CTNNA2: variants seen among roughly 807,000 people sequenced by gnomAD.
The protein encoded by CTNNA2 is catenin alpha 2.
Under a neutral mutation model 101.0 loss-of-function variants are expected in CTNNA2, and 42 were observed. The ratio of observed to expected loss-of-function variants is 0.42; its 90% CI spans 0.32 to 0.54. The LOEUF (loss-of-function observed/expected upper bound fraction) is 0.54, where lower values mean the gene tolerates loss of function less well. CTNNA2 is among the 20% of genes least tolerant of loss of function. The pLI, the probability that CTNNA2 is intolerant of heterozygous loss-of-function variation, is 0.14. For synonymous variants in CTNNA2, 450 were observed against 456.4 expected (o/e 0.99, Z 0.18); for missense variants, 871 against 1,223.1 (o/e 0.71, Z 4.29).
chr2:79,605,570 A>G (rs932069615), intron 1 of CTNNA2, among the ~76,000 whole-genome samples: 4 of 151,950 alleles, frequency 2.6e-5, no homozygotes, highest in African/African-American at 9.7e-5. Flanking sequence ...TACATTGTGT[A>G]CAGTGTAAAA....
intron 1 of CTNNA2, among the ~76,000 whole-genome samples, chr2:79,628,548 A>G (rs960876875): frequency 7.9e-5 from 12 of 152,168 alleles, no homozygotes; most frequent in Non-Finnish European, 1.5e-4. Context: ...ATAGGTAAGT[A>G]TTTGTGCTTT....
At chr2:80,630,419 A>G (rs150221894) in intron 18 of CTNNA2, among the ~76,000 whole-genome samples, 171 of 152,204 alleles carry the variant, frequency 1.1e-3, no homozygotes, top group African/African-American at 3.9e-3. Flanking sequence ...CGGGTGGATC[A>G]CAAACTCAAG....
chr2:80,254,941 G>T (rs1057408980), intron 7 of CTNNA2, among the ~76,000 whole-genome samples: 1 of 152,040 alleles, frequency 6.6e-6, no homozygotes, highest in Non-Finnish European at 1.5e-5. Flanking sequence ...CTATGAGTTG[G>T]ATGGGTTTCA....
chr2:80,131,376 T>C (rs540898516), intron 7 of CTNNA2, among the ~76,000 whole-genome samples: 7 of 152,302 alleles, frequency 4.6e-5, no homozygotes, highest in East Asian at 1.9e-4. Flanking sequence ...GACATTATCA[T>C]TGAGGAAAGC....
intron 18 of CTNNA2, among the ~76,000 whole-genome samples, chr2:80,646,769 G>C (rs192093558): frequency 6.6e-6 from 1 of 151,922 alleles, no homozygotes; most frequent in African/African-American, 2.4e-5. Flanking sequence ...GACTTGTCTT[G>C]GCATTTTTAA....
At chr2:80,329,412 G>C (rs1485073848) in intron 7 of CTNNA2, among the ~76,000 whole-genome samples, 2 of 152,158 alleles carry the variant, frequency 1.3e-5, no homozygotes, top group African/African-American at 4.8e-5. Context: ...CATTGCACCA[G>C]GTTGCTCTCA....
intron 1 of CTNNA2, among the ~76,000 whole-genome samples, chr2:79,644,395 G>A (rs1680663092): frequency 6.6e-6 from 1 of 152,040 alleles, no homozygotes; most frequent in Non-Finnish European, 1.5e-5. Flanking sequence ...AGATAATTCG[G>A]GATAATTTCC....
At chr2:79,470,665 C>G (rs1670988147) in intron 4 of CTNNA2, among the ~76,000 whole-genome samples, 1 of 152,214 alleles carries the variant, frequency 6.6e-6, no homozygotes, top group Non-Finnish European at 1.5e-5. Context: ...GAATGCATCA[C>G]AGAATCATAG....
intron 7 of CTNNA2, among the ~76,000 whole-genome samples, chr2:79,999,933 A>G (rs1238436658): frequency 6.6e-6 from 1 of 152,214 alleles, no homozygotes. Flanking sequence ...CAGAATGTAT[A>G]GACGAGAAAG....
At chr2:79,805,849 A>G (rs1676532309) in intron 3 of CTNNA2, among the ~76,000 whole-genome samples, 1 of 151,964 alleles carries the variant, frequency 6.6e-6, no homozygotes, top group African/African-American at 2.4e-5. Context: ...GAGGCAGGAG[A>G]ATGGCGTGAA....
At chr2:79,675,994 C>T (rs541859062) in intron 2 of CTNNA2, among the ~76,000 whole-genome samples, 1 of 152,252 alleles carries the variant, frequency 6.6e-6, no homozygotes, top group South Asian at 2.1e-4. Flanking sequence ...ATTGGATCAG[C>T]TGTCTCACCC....
At chr2:80,321,061 A>G (rs1678627062) in intron 7 of CTNNA2, among the ~76,000 whole-genome samples, 1 of 152,230 alleles carries the variant, frequency 6.6e-6, no homozygotes, top group Non-Finnish European at 1.5e-5. Context: ...TTTTTAAAAT[A>G]TGCTAGATGG....
chr2:79,625,184 T>C (rs1357970460), intron 1 of CTNNA2, among the ~76,000 whole-genome samples: 1 of 151,966 alleles, frequency 6.6e-6, no homozygotes, highest in East Asian at 1.9e-4. Context: ...CTAATATTGG[T>C]GAAGGGATAT....
At chr2:79,996,138 T>C (rs1319074940) in intron 7 of CTNNA2, among the ~76,000 whole-genome samples, 1 of 152,214 alleles carries the variant, frequency 6.6e-6, no homozygotes, top group African/African-American at 2.4e-5. Context: ...TGAATTACTG[T>C]TATGTCTTAA....
intron 2 of CTNNA2, among the ~76,000 whole-genome samples, chr2:79,736,544 T>C (rs1381475387): frequency 6.6e-6 from 1 of 152,236 alleles, no homozygotes; most frequent in Non-Finnish European, 1.5e-5. Flanking sequence ...GTTTTCCTCT[T>C]TCAGGAAATT....
intron 18 of CTNNA2, among the ~76,000 whole-genome samples, chr2:80,646,871 GCT>G (rs1175922945): frequency 1.3e-5 from 2 of 152,016 alleles, no homozygotes; most frequent in South Asian, 2.1e-4. Context: ...GCATGTATCA[GCT>G]CTCTCATTCT....
intron 7 of CTNNA2, among the ~76,000 whole-genome samples, chr2:80,181,084 A>C (rs2148980382): frequency 6.6e-6 from 1 of 152,286 alleles, no homozygotes; most frequent in Non-Finnish European, 1.5e-5. Flanking sequence ...TTTGGAGTGT[A>C]GTGCACTTCC....
intron 2 of CTNNA2, among the ~76,000 whole-genome samples, chr2:79,294,916 T>A (rs17016708): frequency 0.025 from 3,844 of 152,220 alleles, 145 homozygotes; most frequent in African/African-American, 0.076. Context: ...GATGGATATA[T>A]TATCTACTGA....
intron 7 of CTNNA2, among the ~76,000 whole-genome samples, chr2:80,207,957 G>A (rs978574533): frequency 3.3e-5 from 5 of 152,130 alleles, no homozygotes; most frequent in Non-Finnish European, 7.4e-5. Flanking sequence ...CAGGAAAAAA[G>A]AAATTGTCAG....
Sources: allele counts gnomAD v4.1 joint callset (sites outside exome capture counted in the v4.1 genomes callset), GRCh38; gene constraint gnomAD v4.1.1; transcripts MANE v1.5; gene names NCBI Gene and HGNC (gene_info 2026-07-23, HGNC 2026-07-21).